SEC24A: variants seen among roughly 807,000 people sequenced by gnomAD.
SEC24A encodes protein transport protein Sec24A.
A neutral mutation model predicts 129.4 loss-of-function variants in SEC24A; 93 were observed. That is an observed-to-expected ratio of 0.72 (90% CI 0.61 to 0.85). SEC24A has a LOEUF of 0.85. Ranked by LOEUF, SEC24A falls within the 40% of genes least tolerant of loss-of-function variation. The pLI, the probability that SEC24A is intolerant of heterozygous loss-of-function variation, is 0.00. For missense variants in SEC24A, 1,264 were observed against 1,307.4 expected, an observed-to-expected ratio of 0.97 and a Z score of 0.51; for synonymous variants, 460 against 467.3, an observed-to-expected ratio of 0.98 and a Z score of 0.20.
In SEC24A at chr5:134,708,877, C is replaced by T. The variant is rs759797682; in HGVS notation, c.2716C>T (p.Leu906Phe). The T allele has an allele frequency of 6.2e-7, 1 of 1,612,740 alleles. No homozygotes were observed. Among genetic ancestry groups the T allele is most frequent in the Admixed American group, 1.7e-5 (1 of 59,482 alleles). ...LRLFPLFVLA[L>F]LKQKSFQTGT... is the part of the protein sequence containing the mutation. ...GCTTTTCCCACTTTTTGTGTTGGCT[C>T]TCCTTAAACAGGTAAGAAAAACAGA... The change falls in exon 18 of 23, where the codon CTC (leucine) becomes TTC (phenylalanine). Residue 906 changes from leucine (L) to phenylalanine (F), a missense_variant. Physicochemically the swap from Leu to Phe is conservative, Grantham distance 22. Coordinates refer to ENST00000398844, the MANE Select transcript of SEC24A (RefSeq NM_021982.3).
At chr5:134,694,456 G>A (rs1020169538) in intron 13 of SEC24A, among the ~76,000 whole-genome samples, 4 of 151,864 alleles carry the variant, frequency 2.6e-5, no homozygotes, top group Non-Finnish European at 4.4e-5. Flanking sequence ...TCAGGAGATC[G>A]AGACCACGGT....
At chr5:134,721,229 T>C in intron 21 of SEC24A, 139 bp downstream of exon 21, 1 of 597,528 alleles carries the variant, frequency 1.7e-6, no homozygotes, top group Non-Finnish European at 3.0e-6. Flanking sequence ...GTTGATGGAT[T>C]CTATGACTCC....
chr5:134,717,400 G>A (rs1025469009), intron 19 of SEC24A, among the ~76,000 whole-genome samples: 3 of 151,886 alleles, frequency 2.0e-5, no homozygotes, highest in African/African-American at 7.2e-5. Flanking sequence ...CCAGCTACTC[G>A]GGAGGCTGAG....
intron 14 of SEC24A, 51 bp downstream of exon 14, chr5:134,697,297 G>A (rs1175590373): frequency 6.8e-7 from 1 of 1,463,242 alleles, no homozygotes; most frequent in Admixed American, 1.8e-5. Context: ...TATCAAAATG[G>A]TCCTTATATG....
At chr5:134,686,622 C>CT (rs1235896286) in intron 9 of SEC24A, among the ~76,000 whole-genome samples, 168 bp from the exon 10 acceptor site, 11 of 152,154 alleles carry the variant, frequency 7.2e-5, no homozygotes, top group Non-Finnish European at 1.6e-4. Flanking sequence ...CTCATTTTTC[C>CT]TTTAAGTGTA....
At chr5:134,721,436 A>G (rs1752624697) in intron 21 of SEC24A, among the ~76,000 whole-genome samples, 1 of 150,926 alleles carries the variant, frequency 6.6e-6, no homozygotes, top group Non-Finnish European at 1.5e-5. Context: ...GGTGGCGCAC[A>G]CCTGTAGTCC....
At chr5:134,710,795 C>T (rs1752305577) in intron 18 of SEC24A, among the ~76,000 whole-genome samples, 1 of 152,118 alleles carries the variant, frequency 6.6e-6, no homozygotes, top group African/African-American at 2.4e-5. Context: ...AATTGAATGT[C>T]CAAACTTATT....
At chr5:134,722,880 A>G (rs1752663685) in intron 21 of SEC24A, among the ~76,000 whole-genome samples, 1 of 151,984 alleles carries the variant, frequency 6.6e-6, no homozygotes, top group African/African-American at 2.4e-5. Flanking sequence ...AAGACCAGGC[A>G]TGGTGGCTCA....
intron 14 of SEC24A, 135 bp downstream of exon 14, chr5:134,697,381 A>G (rs1167737660): frequency 4.3e-6 from 3 of 691,828 alleles, no homozygotes; most frequent in East Asian, 2.5e-5. Flanking sequence ...AGTTTAGTCT[A>G]TTAAAAACCT....
intron 16 of SEC24A, among the ~76,000 whole-genome samples, chr5:134,704,628 C>G (rs917824109): frequency 2.0e-5 from 3 of 151,752 alleles, no homozygotes; most frequent in African/African-American, 7.3e-5. Context: ...TAGTGAGACA[C>G]TGTCTCTAAA....
In SEC24A at chr5:134,666,964, A is replaced by C. The variant is rs1195343014; in HGVS notation, c.707A>C (p.Gln236Pro). Residue 236 changes from glutamine (Q) to proline (P), a missense_variant, in exon 3 of 23, where the codon CAG (glutamine) becomes CCG (proline). Coordinates refer to ENST00000398844, the MANE Select transcript of SEC24A (RefSeq NM_021982.3). The stretch of plus-strand genomic sequence containing the variant: ...ACATCATCATATAGAGATGTACCCC[A>C]GCCCTTATTTAATTCAGCTGTCAAC... ...PLTSSYRDVP[Q>P]PLFNSAVNQE... 6.3e-7 allele frequency: 1 copy of C among 1,587,590 alleles called. No homozygotes were observed. Among genetic ancestry groups the C allele is most frequent in the South Asian group, 1.2e-5 (1 of 86,606 alleles).
chr5:134,680,796 G>T (rs924857080), intron 8 of SEC24A, among the ~76,000 whole-genome samples: 3 of 151,988 alleles, frequency 2.0e-5, no homozygotes, highest in Admixed American at 2.0e-4. Flanking sequence ...CTGGCCAAGA[G>T]TTTTTAAAAA....
At chr5:134,675,300 C>G in intron 6 of SEC24A, 83 bp downstream of exon 6, 8 of 993,576 alleles carry the variant, frequency 8.1e-6, no homozygotes, top group Non-Finnish European at 1.2e-5. Flanking sequence ...TATGAATAAG[C>G]TGTACAAATT....
chr5:134,705,091 T>TATATATATATATATATATATATA (rs1491338363), intron 16 of SEC24A, among the ~76,000 whole-genome samples: 3 of 94,992 alleles, frequency 3.2e-5, no homozygotes, highest in Middle Eastern at 5.2e-3. Context: ...TATATATATA[T>TATATATATATATATATATATATA]TTTTTTTTTT....
At chr5:134,665,695 T>C (rs1187239776) in intron 2 of SEC24A, among the ~76,000 whole-genome samples, 1 of 152,108 alleles carries the variant, frequency 6.6e-6, no homozygotes, top group East Asian at 1.9e-4. Flanking sequence ...TAGCTGGGAT[T>C]ACAGGTGCCC....
At position 134,680,418 on chromosome 5, in the gene SEC24A, C is replaced by T. The variant is rs540916559; in HGVS notation, c.1381+690C>T. 5.0e-3 allele frequency among the ~76,000 whole-genome samples: 754 copies of T among 152,150 alleles called. 2 individuals carry two copies. Among genetic ancestry groups the T allele is most frequent in the Non-Finnish European group, 7.6e-3 (517 of 67,996 alleles). On this transcript the variant is annotated intron_variant, in intron 8 of 22. Transcript: ENST00000398844. ...CACGATCTTGGCTCACTGCAACCTCCGCCTCCCAGGTTCAAGCGATTCTCC... is the reference window on the plus strand; with the variant it reads ...CACGATCTTGGCTCACTGCAACCTCTGCCTCCCAGGTTCAAGCGATTCTCC...
At position 134,708,618 on chromosome 5, in the gene SEC24A, G is replaced by T. The variant is rs1202532285; in HGVS notation, c.2552-95G>T. ...ATGTAGTAAATTGGAGAGATACTTG[G>T]TATAGTTTTTAAAAATTATCTCTTC... On this transcript the variant is annotated intron_variant, in intron 17 of 22. Coordinates refer to ENST00000398844, the MANE Select transcript of SEC24A (RefSeq NM_021982.3). 4.6e-6 allele frequency: 5 copies of T among 1,083,860 alleles called. No individual in the cohort carries two copies. In the East Asian group the frequency reaches 1.2e-4, roughly 27 times the overall value. 67.1% of individuals were successfully genotyped at this position (1,083,860 alleles called of 1,614,324 possible).
At chr5:134,698,712 A>G (rs1402109866) in intron 15 of SEC24A, among the ~76,000 whole-genome samples, 3 of 143,820 alleles carry the variant, frequency 2.1e-5, no homozygotes, top group African/African-American at 5.2e-5. Context: ...GCTAACTGCA[A>G]CCTCCACCTC....
Position 134,665,077 on chromosome 5 carries a change from C to G in SEC24A, c.566-1746C>G, listed in dbSNP as rs554104127. ...CCTCCCAAAGTGCTGGGATTACAGG[C>G]GTGAGCCACTGCACCCAGCCTAATA... On this transcript the variant is annotated intron_variant, in intron 2 of 22. Coordinates refer to ENST00000398844, the MANE Select transcript of SEC24A (RefSeq NM_021982.3). Among the ~76,000 whole-genome samples the G allele has an allele frequency of 3.5e-3, 524 of 151,834 alleles. 3 individuals are homozygous for G. Among genetic ancestry groups the G allele is most frequent in the Middle Eastern group, 6.8e-3 (2 of 292 alleles).
Sources: gnomAD v4.1 joint callset for allele counts (sites outside exome capture counted in the v4.1 genomes callset) on GRCh38, gnomAD v4.1.1 for gene constraint, MANE v1.5 for transcripts, NCBI Gene and HGNC (gene_info 2026-07-23, HGNC 2026-07-21) for gene names.